LHFPL3: variants seen among roughly 807,000 people sequenced by gnomAD.
LHFPL3 encodes LHFPL tetraspan subfamily member 3, also known as LHFPL tetraspan subfamily member 3 protein.
A neutral mutation model predicts 19.3 loss-of-function variants in LHFPL3; 5 were observed. The observed-to-expected ratio is 0.26, with a 90% CI of 0.14 to 0.54. The LOEUF is 0.54. LHFPL3 is among the 20% of genes least tolerant of loss of function. LHFPL3 has a pLI of 0.94. For missense variants in LHFPL3, 249 were observed against 307.4 expected (o/e 0.81, Z 1.42); for synonymous variants, 133 against 126.2 (o/e 1.05, Z -0.36).
chr7:104,505,162 T>A (rs1361927166), intron 1 of LHFPL3, among the ~76,000 whole-genome samples: 1 of 152,206 alleles, frequency 6.6e-6, no homozygotes, highest in African/African-American at 2.4e-5. Flanking sequence ...AGTATTCTGC[T>A]AGATAAGCTT....
At chr7:104,869,518 A>C (rs1261089559) in intron 2 of LHFPL3, among the ~76,000 whole-genome samples, 2 of 152,120 alleles carry the variant, frequency 1.3e-5, no homozygotes, top group African/African-American at 2.4e-5. Flanking sequence ...CATCAGAGAA[A>C]TGCAAATCAA....
chr7:104,754,718 G>A (rs535513108), intron 2 of LHFPL3, among the ~76,000 whole-genome samples: 4 of 152,320 alleles, frequency 2.6e-5, no homozygotes, highest in Non-Finnish European at 5.9e-5. Context: ...AGAAAGCATT[G>A]AGAGTAGGAA....
intron 1 of LHFPL3, among the ~76,000 whole-genome samples, chr7:104,462,599 T>C (rs945371182): frequency 1.3e-5 from 2 of 152,254 alleles, no homozygotes; most frequent in Non-Finnish European, 2.9e-5. Context: ...TATTTGATCA[T>C]GGTGGATTAG....
chr7:104,725,601 A>C (rs1378497041), intron 1 of LHFPL3, among the ~76,000 whole-genome samples: 2 of 152,180 alleles, frequency 1.3e-5, no homozygotes, highest in East Asian at 3.8e-4. Context: ...CCTCCAAAAT[A>C]AAAGGAATTC....
At chr7:104,712,527 C>T (rs917054440) in intron 1 of LHFPL3, among the ~76,000 whole-genome samples, 2 of 152,176 alleles carry the variant, frequency 1.3e-5, no homozygotes, top group African/African-American at 4.8e-5. Flanking sequence ...TCTATTTCAA[C>T]ATATATTTGG....
intron 2 of LHFPL3, among the ~76,000 whole-genome samples, chr7:104,836,052 T>C (rs1791088482): frequency 6.6e-6 from 1 of 151,270 alleles, no homozygotes; most frequent in African/African-American, 2.5e-5. Context: ...CTACCCTTGG[T>C]TGTATGTTCA....
At position 104,668,669 on chromosome 7, in the gene LHFPL3, C is replaced by T. The variant is rs1792409562; in HGVS notation, c.446-68006C>T. Reference sequence around the variant, plus strand: ...ACAGACGGGATGATCGGTCGTGGAGCTCCAGAGATGATTACTCTCGGGATG... The same window carrying T: ...ACAGACGGGATGATCGGTCGTGGAGTTCCAGAGATGATTACTCTCGGGATG... On this transcript the variant is annotated intron_variant, in intron 1 of 2. Coordinates refer to ENST00000424859, the MANE Select transcript of LHFPL3 (RefSeq NM_199000.3). 4 of 1,611,274 alleles carry T rather than the reference C, an allele frequency of 2.5e-6. No homozygotes were observed. In the Admixed American group the frequency reaches 5.0e-5, roughly 20 times the overall value.
intron 1 of LHFPL3, among the ~76,000 whole-genome samples, chr7:104,410,884 T>C (rs967939606): frequency 2.6e-5 from 4 of 152,182 alleles, no homozygotes; most frequent in African/African-American, 9.7e-5. Context: ...TGCTGACATA[T>C]TTGAGTGGCT....
chr7:104,385,965 AT>A (rs1790934083), intron 1 of LHFPL3, among the ~76,000 whole-genome samples: 1 of 152,152 alleles, frequency 6.6e-6, no homozygotes, highest in Non-Finnish European at 1.5e-5. Flanking sequence ...ATCAAAATCA[AT>A]TTTTTGAGAG....
At chr7:104,557,428 C>CAT (rs1789869416) in intron 1 of LHFPL3, among the ~76,000 whole-genome samples, 1 of 152,220 alleles carries the variant, frequency 6.6e-6, no homozygotes, top group African/African-American at 2.4e-5. Context: ...TTTTTAAAAC[C>CAT]ATCAGATCTT....
chr7:104,873,781 G>A (rs557804570), intron 2 of LHFPL3, among the ~76,000 whole-genome samples: 7 of 152,178 alleles, frequency 4.6e-5, no homozygotes, highest in Non-Finnish European at 7.3e-5. Flanking sequence ...GCAAACTGGC[G>A]TCTCATGATG....
At chr7:104,551,634 G>A (rs1176924419) in intron 1 of LHFPL3, among the ~76,000 whole-genome samples, 1 of 152,058 alleles carries the variant, frequency 6.6e-6, no homozygotes, top group Non-Finnish European at 1.5e-5. Flanking sequence ...TAGTTACAGT[G>A]CCAGTGACAG....
chr7:104,905,717 GA>G (rs1407597575), intron 2 of LHFPL3, among the ~76,000 whole-genome samples: 1 of 152,162 alleles, frequency 6.6e-6, no homozygotes, highest in East Asian at 1.9e-4. Flanking sequence ...ATAAGGAATG[GA>G]AAGAAATATA....
intron 2 of LHFPL3, among the ~76,000 whole-genome samples, chr7:104,763,598 G>A (rs1794411317): frequency 6.6e-6 from 1 of 152,218 alleles, no homozygotes; most frequent in Non-Finnish European, 1.5e-5. Flanking sequence ...GAGTATGGGA[G>A]GGTGGAAGGA....
intron 1 of LHFPL3, among the ~76,000 whole-genome samples, chr7:104,344,691 C>T (rs1426656228): frequency 1.3e-5 from 2 of 152,172 alleles, no homozygotes; most frequent in East Asian, 1.9e-4. Context: ...AGGTTGGTTC[C>T]ATAGCTTTGC....
At chr7:104,615,349 G>A (rs553546858) in intron 1 of LHFPL3, among the ~76,000 whole-genome samples, 14 of 152,098 alleles carry the variant, frequency 9.2e-5, no homozygotes, top group East Asian at 3.9e-4. Flanking sequence ...ATTAACAATC[G>A]CTCCATTGAT....
chr7:104,799,199 GA>G (rs1790193109), intron 2 of LHFPL3, among the ~76,000 whole-genome samples: 1 of 152,126 alleles, frequency 6.6e-6, no homozygotes, highest in Non-Finnish European at 1.5e-5. Context: ...CCCTACTTGA[GA>G]GCTATTTCTA....
intron 2 of LHFPL3, among the ~76,000 whole-genome samples, chr7:104,829,674 G>A (rs1790908236): frequency 6.6e-6 from 1 of 151,818 alleles, no homozygotes; most frequent in Non-Finnish European, 1.5e-5. Flanking sequence ...CATTTTTTAT[G>A]GCTGCATAGT....
intron 1 of LHFPL3, among the ~76,000 whole-genome samples, chr7:104,729,600 G>A (rs542197606): frequency 2.4e-4 from 36 of 152,088 alleles, no homozygotes; most frequent in Admixed American, 7.9e-4. Context: ...TAAAGTCTAC[G>A]TATAAGTGAG....
Sources: gnomAD v4.1 joint callset for allele counts (sites outside exome capture counted in the v4.1 genomes callset) on GRCh38, gnomAD v4.1.1 for gene constraint, MANE v1.5 for transcripts, NCBI Gene and HGNC (gene_info 2026-07-23, HGNC 2026-07-21) for gene names.